Variants in CXCR5 observed in about 807,000 individuals in gnomAD.
CXCR5 encodes the protein C-X-C chemokine receptor type 5.
Under a neutral mutation model 5.6 loss-of-function variants are expected in CXCR5, and 3 were observed. The ratio of observed to expected loss-of-function variants is 0.54; its 90% CI spans 0.24 to 1.39. The LOEUF is 1.39. Ranked by LOEUF, CXCR5 falls within the 40% of genes most tolerant of loss-of-function variation. CXCR5 has a pLI of 0.16. For synonymous variants in CXCR5, 218 were observed against 219.9 expected, an observed-to-expected ratio of 0.99 and a Z score of 0.08; for missense variants, 333 against 494.6, an observed-to-expected ratio of 0.67 and a Z score of 3.10.
chr11:118,888,291 C>G lies in CXCR5; in HGVS notation c.51+4299C>G, dbSNP rs77491736. ...CCCTCCTTTGACTGAAACGCTACCC[C>G]CTCAGCTTCTGCCCAGTCCTTCTAG... On this transcript the variant is annotated intron_variant, in intron 1 of 1. Transcript: ENST00000292174. Among the ~76,000 whole-genome samples, 1,290 of 152,266 alleles carry G rather than the reference C, an allele frequency of 8.5e-3. 7 individuals carry two copies. The highest frequency in any genetic ancestry group is 0.031 in the Middle Eastern group (9 of 294).
intron 1 of CXCR5, among the ~76,000 whole-genome samples, chr11:118,885,613 G>A (rs968150420): frequency 7.2e-5 from 11 of 152,214 alleles, no homozygotes; most frequent in Non-Finnish European, 1.0e-4. Context: ...CACGAGCCCT[G>A]ACCCAGTTGG....
chr11:118,888,112 A>C (rs1939745448), intron 1 of CXCR5, among the ~76,000 whole-genome samples: 1 of 152,142 alleles, frequency 6.6e-6, no homozygotes, highest in South Asian at 2.1e-4. Flanking sequence ...CAGACAGAGA[A>C]TCTGGGAGTG....
At position 118,893,938 on chromosome 11, in the gene CXCR5, A is replaced by T. The variant is rs773400390; in HGVS notation, c.394A>T (p.Asn132Tyr). The change falls in exon 2 of 2, where the codon AAC becomes TAC. Residue 132 changes from asparagine to tyrosine, a missense_variant. Coordinates refer to ENST00000292174, the MANE Select transcript of CXCR5 (RefSeq NM_001716.5). The surrounding 1 kb of genome is among the most constrained non-coding windows in gnomAD (Gnocchi z 5.7). ...CKTVIALHKV[N>Y]FYCSSLLLAC... ...AACTGTGATTGCCCTGCACAAAGTC[A>T]ACTTCTACTGCAGCAGCCTGCTCCT... is the stretch of plus-strand genomic sequence containing the variant. 1.9e-6 allele frequency: 3 copies of T among 1,613,972 alleles called. No individual in the cohort carries two copies. Among genetic ancestry groups the T allele is most frequent in the Non-Finnish European group, 2.5e-6 (3 of 1,180,016 alleles).
rs575705323 is a variant in CXCR5, at chr11:118,894,681, T to C, written c.*18T>C. On this transcript the variant is annotated 3_prime_UTR_variant, in exon 2 of 2. Transcript: ENST00000292174. This position sits in a 1 kb window ranked among gnomAD's most constrained non-coding sequence, Gnocchi z 6.1. ...CGTTCTAGGTCCCAGTGTCCCCTTTTATTGCTGCTTTTCCTTGGGGCAGGC... is the reference window on the plus strand; with the variant it reads ...CGTTCTAGGTCCCAGTGTCCCCTTTCATTGCTGCTTTTCCTTGGGGCAGGC... 291 of 1,506,180 alleles carry C rather than the reference T, an allele frequency of 1.9e-4. 6 individuals are homozygous for C. In the South Asian group the frequency reaches 3.9e-3, roughly 20 times the overall value. 93.3% of individuals were successfully genotyped at this position (1,506,180 alleles called of 1,614,324 possible).
At chr11:118,889,863 CTCAG>C (rs1281272977) in intron 1 of CXCR5, among the ~76,000 whole-genome samples, 5 of 152,204 alleles carry the variant, frequency 3.3e-5, no homozygotes, top group Non-Finnish European at 5.9e-5. Flanking sequence ...TGAGCAATAA[CTCAG>C]TCAGTCTGGA....
intron 1 of CXCR5, among the ~76,000 whole-genome samples, chr11:118,888,925 G>C (rs1939764530): frequency 6.6e-6 from 1 of 152,204 alleles, no homozygotes. Flanking sequence ...GCAAATGTGA[G>C]CTGAGCTCCA....
intron 1 of CXCR5, chr11:118,886,302 A>G (rs1358073653): frequency 6.8e-6 from 3 of 441,674 alleles, no homozygotes; most frequent in Admixed American, 2.6e-5. Flanking sequence ...TTACACTCTC[A>G]TGTTGAGCTA....
intron 1 of CXCR5, chr11:118,887,218 T>C (rs1225746551): frequency 2.0e-6 from 2 of 985,010 alleles, no homozygotes; most frequent in Non-Finnish European, 2.4e-6. Flanking sequence ...CCCACTCCTC[T>C]AGCAGAACGG....
intron 1 of CXCR5, among the ~76,000 whole-genome samples, chr11:118,887,947 G>A (rs533913647): frequency 2.0e-5 from 3 of 152,222 alleles, no homozygotes; most frequent in African/African-American, 7.2e-5. Context: ...AGTAAGCCAC[G>A]CATGCAGGCA....
chr11:118,894,674 C>A lies in CXCR5; in HGVS notation c.*11C>A, dbSNP rs776450857. Reference sequence around the variant, plus strand: ...CTCACCACGTTCTAGGTCCCAGTGTCCCCTTTTATTGCTGCTTTTCCTTGG... The same window carrying A: ...CTCACCACGTTCTAGGTCCCAGTGTACCCTTTTATTGCTGCTTTTCCTTGG... On this transcript the variant is annotated 3_prime_UTR_variant, in exon 2 of 2. Transcript: ENST00000292174. The surrounding 1 kb of genome is among the most constrained non-coding windows in gnomAD (Gnocchi z 6.1). The A allele has an allele frequency of 1.3e-5, 19 of 1,505,780 alleles. No individual in the cohort carries two copies. In the East Asian group the frequency reaches 4.1e-4, roughly 33 times the overall value. The allele number at this position is 1,505,780 out of a possible 1,614,324, so 93.3% of individuals were successfully genotyped here. A position where few individuals can be genotyped will look rare whatever the true frequency, so the allele number is the denominator to read the frequency against.
Position 118,894,934 on chromosome 11 carries a change from G to A in CXCR5, c.*271G>A. On this transcript the variant is annotated 3_prime_UTR_variant, in exon 2 of 2. Transcript: ENST00000292174. This position sits in a 1 kb window ranked among gnomAD's most constrained non-coding sequence, Gnocchi z 6.1. ...GTCCTTACCCATCTGCACCCCCCTG[G>A]GCTGAGAGAACCTCACGCACCTCCC... 2.5e-6 allele frequency: 1 copy of A among 396,106 alleles called. No individual in the cohort carries two copies. Among genetic ancestry groups the A allele is most frequent in the South Asian group, 1.2e-4 (1 of 8,636 alleles). 24.5% of individuals were successfully genotyped at this position (396,106 alleles called of 1,614,324 possible).
Position 118,897,726 on chromosome 11 carries a change from C to T in CXCR5, c.*3063C>T, listed in dbSNP as rs1939972246. 4.5e-6 allele frequency: 2 copies of T among 449,260 alleles called. No homozygotes were observed. Among genetic ancestry groups the T allele is most frequent in the East Asian group, 6.9e-5 (1 of 14,394 alleles). The allele number at this position is 449,260 out of a possible 1,614,324, so 27.8% of individuals were successfully genotyped here. On this transcript the variant is annotated 3_prime_UTR_variant, in exon 2 of 2. Coordinates refer to ENST00000292174, the MANE Select transcript of CXCR5 (RefSeq NM_001716.5). ...TCCAGGGGAATGGAGGGAGCAATAA[C>T]TTGAAGAAGGGGGGAAGGGTTTCTT...
Position 118,886,422 on chromosome 11 carries a change from T to C in CXCR5, c.51+2430T>C, listed in dbSNP as rs1302312773. ...GTCATTCTGTATTCCATTTGTCCTC[T>C]TGAACTCGAAGACCAACTCGAGCCG... On this transcript the variant is annotated intron_variant, in intron 1 of 1. Transcript: ENST00000292174. The C allele has an allele frequency of 6.9e-6, 3 of 432,900 alleles. No individual in the cohort carries two copies. In the East Asian group the frequency reaches 2.1e-4, roughly 30 times the overall value. 26.8% of individuals were successfully genotyped at this position (432,900 alleles called of 1,614,324 possible).
rs1180908944 is a variant in CXCR5 at position 118,893,973 on chromosome 11, C to CGCCGTGGACCGCTACCTG, written c.433_450dup (p.Val145_Ala150dup). On this transcript the variant is annotated inframe_insertion, in exon 2 of 2. Transcript: ENST00000292174. The surrounding 1 kb of genome is among the most constrained non-coding windows in gnomAD (Gnocchi z 5.7). ...GCAGCAGCCTGCTCCTGGCCTGCAT[C>CGCCGTGGACCGCTACCTG]GCCGTGGACCGCTACCTGGCCATTG... 1 of 1,613,820 alleles carries CGCCGTGGACCGCTACCTG rather than the reference C, an allele frequency of 6.2e-7. No homozygotes were observed. Among genetic ancestry groups the CGCCGTGGACCGCTACCTG allele is most frequent in the Non-Finnish European group, 8.5e-7 (1 of 1,180,048 alleles).
rs1467278077 is a variant in CXCR5, at chr11:118,895,935, C to G, written c.*1272C>G. On this transcript the variant is annotated 3_prime_UTR_variant, in exon 2 of 2. Transcript: ENST00000292174. The surrounding 1 kb of genome is among the most constrained non-coding windows in gnomAD (Gnocchi z 4.2). ...TTGATCAGGTGGGGAGTCAGGGACC[C>G]CTGCCCTTGTCCCACTCAAGCCAAG... The G allele has an allele frequency of 6.0e-6, 1 of 167,066 alleles. No individual in the cohort carries two copies. Among genetic ancestry groups the G allele is most frequent in the Non-Finnish European group, 1.5e-5 (1 of 68,126 alleles). 10.3% of individuals were successfully genotyped at this position (167,066 alleles called of 1,614,324 possible). A position where few individuals can be genotyped will look rare whatever the true frequency, so the allele number is the denominator to read the frequency against.
Position 118,894,152 on chromosome 11 carries a change from C to G in CXCR5, c.608C>G (p.Thr203Ser), listed in dbSNP as rs1939859090. 1.9e-6 allele frequency: 3 copies of G among 1,614,114 alleles called. No homozygotes were observed. The highest frequency in any genetic ancestry group is 2.5e-6 in the Non-Finnish European group (3 of 1,180,038). ...CACAACAACTCCCTGCCACGTTGCA[C>G]CTTCTCCCAAGAGAACCAAGCAGAA... ...GHHNNSLPRC[T>S]FSQENQAETH... The change falls in exon 2 of 2, where the codon ACC (threonine) becomes AGC (serine). Residue 203 changes from threonine to serine, a missense_variant. By Grantham distance (58) the Thr-to-Ser change is moderately conservative. Coordinates refer to ENST00000292174, the MANE Select transcript of CXCR5 (RefSeq NM_001716.5). This position sits in a 1 kb window ranked among gnomAD's most constrained non-coding sequence, Gnocchi z 6.1.
chr11:118,887,491 CA>C (rs1939732636), intron 1 of CXCR5: 1 of 940,520 alleles, frequency 1.1e-6, no homozygotes, highest in African/African-American at 1.8e-5. Context: ...CTCCCCCTAA[CA>C]CCACATCCAG....
chr11:118,894,855 G>A lies in CXCR5; in HGVS notation c.*192G>A, dbSNP rs1939877778. ...CCTGCCAGCTCTTCTGCCGGCCCTG[G>A]GGCTAGGCTGGAGCCCAGGGAGCGG... is the stretch of plus-strand genomic sequence containing the variant. On this transcript the variant is annotated 3_prime_UTR_variant, in exon 2 of 2. Transcript: ENST00000292174. The surrounding 1 kb of genome is among the most constrained non-coding windows in gnomAD (Gnocchi z 6.1). 1 of 524,600 alleles carries A rather than the reference G, an allele frequency of 1.9e-6. No homozygotes were observed. Among genetic ancestry groups the A allele is most frequent in the South Asian group, 6.4e-5 (1 of 15,572 alleles). The allele number at this position is 524,600 out of a possible 1,614,324, so 32.5% of individuals were successfully genotyped here.
Position 118,895,009 on chromosome 11 carries a change from A to G in CXCR5, c.*346A>G, listed in dbSNP as rs768177800. On this transcript the variant is annotated 3_prime_UTR_variant, in exon 2 of 2. Transcript: ENST00000292174. This position sits in a 1 kb window ranked among gnomAD's most constrained non-coding sequence, Gnocchi z 4.2. ...AACAACTTCTACTTCTGCCCTTGCC[A>G]ACGGAGAGCGCCTGCCCCTCCCAGA... The G allele has an allele frequency of 1.3e-4, 29 of 227,000 alleles. No homozygotes were observed. The highest frequency in any genetic ancestry group is 1.8e-4 in the South Asian group (1 of 5,692). The allele number at this position is 227,000 out of a possible 1,614,324, so 14.1% of individuals were successfully genotyped here.
Sources: gnomAD v4.1 joint callset for allele counts (sites outside exome capture counted in the v4.1 genomes callset) on GRCh38, gnomAD v4.1.1 for gene constraint, Gnocchi (gnomAD v3.1) non-coding constraint, MANE v1.5 for transcripts, NCBI Gene and HGNC (gene_info 2026-07-23, HGNC 2026-07-21) for gene names.